Variants in ZNF713 observed in about 807,000 individuals in gnomAD.
The protein encoded by ZNF713 is zinc finger protein 713.
ZNF713 carries 21 observed loss-of-function variants against 28.7 expected under a neutral mutation model. The observed-to-expected ratio is 0.73, with a 90% CI of 0.52 to 1.05. The LOEUF (loss-of-function observed/expected upper bound fraction) is 1.05. Ranked by LOEUF, ZNF713 falls within the 50% of genes least tolerant of loss-of-function variation. The pLI, the probability that ZNF713 is intolerant of heterozygous loss-of-function variation, is 0.00. For missense variants in ZNF713, 458 were observed against 532.4 expected (o/e 0.86, Z 1.37); for synonymous variants, 167 against 178.0 (o/e 0.94, Z 0.49).
rs1785272626 is a variant in ZNF713 at position 55,887,643 on chromosome 7, GGGGGCGGAGC to G, written c.-619_-610del. 5.5e-6 allele frequency: 1 copy of G among 181,706 alleles called. No homozygotes were observed. The allele number at this position is 181,706 out of a possible 1,614,324, so 11.3% of individuals were successfully genotyped here. On this transcript the variant is annotated 5_prime_UTR_variant, in exon 1 of 7. Transcript: ENST00000429591. ...GGCGGCGGCGGCGGCGGCGGCGTCA[GGGGGCGGAGC>G]CTGCCGAAGCGCCCTTTGTCTGCGG... is the stretch of plus-strand genomic sequence containing the variant.
At chr7:55,920,252 G>A (rs1785969572) in intron 4 of ZNF713, among the ~76,000 whole-genome samples, 1 of 152,244 alleles carries the variant, frequency 6.6e-6, no homozygotes, top group Non-Finnish European at 1.5e-5. Context: ...AAGATTAAAT[G>A]AGAAGAGCAT....
intron 6 of ZNF713, among the ~76,000 whole-genome samples, chr7:55,936,482 T>C (rs1177881417): frequency 2.0e-5 from 3 of 152,088 alleles, no homozygotes; most frequent in Non-Finnish European, 4.4e-5. Flanking sequence ...CCATCAAGTG[T>C]CCCAATTAAG....
At position 55,921,868 on chromosome 7, in the gene ZNF713, A is replaced by G. The variant is rs183478118; in HGVS notation, c.88-1294A>G. Among the ~76,000 whole-genome samples the G allele has an allele frequency of 5.3e-5, 8 of 152,330 alleles. No individual in the cohort carries two copies. The East Asian group carries it at 1.4e-3, about 26-fold the overall frequency. On this transcript the variant is annotated intron_variant, in intron 4 of 6. Coordinates refer to ENST00000429591, the MANE Select transcript of ZNF713 (RefSeq NM_182633.3). ...GCTATAAAACAGCATCACATGCTAC[A>G]GAGAACTCTTCCGTAAAATGAAGAT...
intron 4 of ZNF713, among the ~76,000 whole-genome samples, chr7:55,917,292 A>G (rs1439905319): frequency 3.3e-5 from 5 of 152,070 alleles, no homozygotes; most frequent in African/African-American, 1.2e-4. Context: ...TAAGCAAAGT[A>G]AAAAGACATG....
Position 55,940,086 on chromosome 7 carries a change from A to C in ZNF713, c.*80A>C. On this transcript the variant is annotated 3_prime_UTR_variant, in exon 7 of 7. Transcript: ENST00000429591. ...ACCTTTTTATCCCATTCAATATCAA[A>C]TTATTCATAGTGGAGAGAAAGCTTA... 6.7e-7 allele frequency: 1 copy of C among 1,485,604 alleles called. No individual in the cohort carries two copies. The highest frequency in any genetic ancestry group is 1.4e-5 in the South Asian group (1 of 70,164). 92.0% of individuals were successfully genotyped at this position (1,485,604 alleles called of 1,614,324 possible). A position where few individuals can be genotyped will look rare whatever the true frequency, so the allele number is the denominator to read the frequency against.
chr7:55,924,361 C>T (rs1048878836), intron 6 of ZNF713: 6 of 152,342 alleles, frequency 3.9e-5, no homozygotes, highest in African/African-American at 1.4e-4. Context: ...TTCTTCCACC[C>T]TGGCTTGTGA....
Position 55,939,687 on chromosome 7 carries a change from G to T in ZNF713, c.1013G>T (p.Gly338Val). ...SFTQHLRIHT[G>V]EKPYKCNQCG... ...ACTCAACATCTGAGGATTCATACTG[G>T]AGAAAAGCCCTATAAATGTAATCAA... The change falls in exon 7 of 7, where the codon GGA (glycine) becomes GTA (valine). Residue 338 changes from glycine (G) to valine (V), a missense_variant. By Grantham distance (109) the Gly-to-Val change is moderately radical (BLOSUM62 -3). Transcript: ENST00000429591. The T allele has an allele frequency of 6.2e-7, 1 of 1,614,136 alleles. No individual in the cohort carries two copies. Among genetic ancestry groups the T allele is most frequent in the South Asian group, 1.1e-5 (1 of 91,066 alleles).
chr7:55,919,030 A>G (rs1439863515), intron 4 of ZNF713, among the ~76,000 whole-genome samples: 1 of 152,082 alleles, frequency 6.6e-6, no homozygotes, highest in Non-Finnish European at 1.5e-5. Context: ...TAGAGAATAT[A>G]TTTAATGAAC....
intron 1 of ZNF713, among the ~76,000 whole-genome samples, chr7:55,894,806 T>C (rs769493593): frequency 6.6e-6 from 1 of 152,230 alleles, no homozygotes; most frequent in African/African-American, 2.4e-5. Flanking sequence ...ATGAATCTAT[T>C]AAGAAAATGA....
intron 4 of ZNF713, chr7:55,918,343 C>T (rs560803564): frequency 4.2e-4 from 99 of 235,464 alleles, no homozygotes; most frequent in African/African-American, 1.9e-3. Context: ...CCCAGTCAAA[C>T]CTTCCCACCT....
intron 4 of ZNF713, among the ~76,000 whole-genome samples, chr7:55,914,266 A>G (rs1239461303): frequency 6.6e-6 from 1 of 152,218 alleles, no homozygotes; most frequent in African/African-American, 2.4e-5. Context: ...TACCGGTCTC[A>G]ATTGCTTCAG....
chr7:55,901,275 T>A (rs909905053), intron 1 of ZNF713, among the ~76,000 whole-genome samples: 1 of 152,088 alleles, frequency 6.6e-6, no homozygotes, highest in Non-Finnish European at 1.5e-5. Context: ...AGAGAGCTTA[T>A]GCAGAGAAAC....
chr7:55,909,966 C>T (rs1335976158), intron 2 of ZNF713, among the ~76,000 whole-genome samples: 9 of 140,740 alleles, frequency 6.4e-5, no homozygotes, highest in Admixed American at 1.4e-4. Flanking sequence ...TGTATATATA[C>T]GTTTATGTGT....
In ZNF713 at chr7:55,923,742, C is replaced by T. The variant is rs189520222; in HGVS notation, c.307+43C>T. On this transcript the variant is annotated intron_variant, in intron 6 of 6. Coordinates refer to ENST00000429591, the MANE Select transcript of ZNF713 (RefSeq NM_182633.3). The stretch of plus-strand genomic sequence containing the variant: ...GGCACTGCTACTTAATGAGGGAAAA[C>T]AGCCACTTCTGAACCACTCAGTGGA... 6.8e-3 allele frequency: 10,296 copies of T among 1,519,364 alleles called. 88 individuals carry two copies. The highest frequency in any genetic ancestry group is 0.034 in the Middle Eastern group (197 of 5,876). 94.1% of individuals were successfully genotyped at this position (1,519,364 alleles called of 1,614,324 possible). A position where few individuals can be genotyped will look rare whatever the true frequency, so the allele number is the denominator to read the frequency against.
In ZNF713 at chr7:55,939,872, T is replaced by A. The variant is rs1281050901; in HGVS notation, c.1198T>A (p.Cys400Ser). 1.2e-6 allele frequency: 2 copies of A among 1,613,992 alleles called. No homozygotes were observed. The highest frequency in any genetic ancestry group is 2.7e-5 in the African/African-American group (2 of 74,924). ...RTHTGEKPYK[C>S]NECGKAFSQS... ...TCATACAGGAGAGAAACCCTATAAATGTAATGAATGCGGGAAAGCCTTTAG... is the reference window on the plus strand; with the variant it reads ...TCATACAGGAGAGAAACCCTATAAAAGTAATGAATGCGGGAAAGCCTTTAG... The change falls in exon 7 of 7, where the codon TGT becomes AGT. Residue 400 changes from cysteine (C) to serine (S), a missense_variant. Cys to Ser is a moderately radical substitution (Grantham distance 112). Coordinates refer to ENST00000429591, the MANE Select transcript of ZNF713 (RefSeq NM_182633.3).
At chr7:55,904,554 A>G (rs540873512) in intron 1 of ZNF713, among the ~76,000 whole-genome samples, 3 of 151,156 alleles carry the variant, frequency 2.0e-5, no homozygotes, top group East Asian at 3.9e-4. Context: ...GAGCAGTTTC[A>G]GCAGAGTACT....
In ZNF713 at chr7:55,939,225, A is replaced by G. The variant is rs1406476333; in HGVS notation, c.551A>G (p.Lys184Arg). Residue 184 changes from lysine (K) to arginine (R), a missense_variant, in exon 7 of 7, where the codon AAA becomes AGA. By Grantham distance (26) the Lys-to-Arg change is conservative (BLOSUM62 2). Transcript: ENST00000429591. ...ITQERSLECN[K>R]FAENCNLNSN... Reference sequence around the variant, plus strand: ...CAGGAGAGAAGCCTTGAGTGTAATAAATTTGCAGAAAACTGTAATCTGAAC... The same window carrying G: ...CAGGAGAGAAGCCTTGAGTGTAATAGATTTGCAGAAAACTGTAATCTGAAC... 3 of 1,613,944 alleles carry G rather than the reference A, an allele frequency of 1.9e-6. No individual in the cohort carries two copies. The highest frequency in any genetic ancestry group is 2.5e-6 in the Non-Finnish European group (3 of 1,180,024).
chr7:55,930,691 AGGAGGT>A (rs1786192912), intron 6 of ZNF713, among the ~76,000 whole-genome samples: 1 of 152,016 alleles, frequency 6.6e-6, no homozygotes, highest in Non-Finnish European at 1.5e-5. Flanking sequence ...ACTTGAGCCT[AGGAGGT>A]GGAGGTTGCA....
In ZNF713 at chr7:55,940,159, G is replaced by C; in HGVS notation, c.*153G>C. The C allele has an allele frequency of 7.7e-7, 1 of 1,298,250 alleles. No homozygotes were observed. Among genetic ancestry groups the C allele is most frequent in the African/African-American group, 1.5e-5 (1 of 66,692 alleles). The allele number at this position is 1,298,250 out of a possible 1,614,324, so 80.4% of individuals were successfully genotyped here. ...TGTTTTTGAGACTGAGTCTCACTCT[G>C]TCACCCAGGCTGAAGTGCAGTGGTA... On this transcript the variant is annotated 3_prime_UTR_variant, in exon 7 of 7. Transcript: ENST00000429591.
Sources: allele counts gnomAD v4.1 joint callset (sites outside exome capture counted in the v4.1 genomes callset), GRCh38; gene constraint gnomAD v4.1.1; transcripts MANE v1.5; gene names NCBI Gene and HGNC (gene_info 2026-07-23, HGNC 2026-07-21).